Variants in CHST12 observed in about 807,000 individuals in gnomAD.
The protein encoded by CHST12 is carbohydrate sulfotransferase 12, also known as carbohydrate (chondroitin 4) sulfotransferase 12.
Under a neutral mutation model 27.9 loss-of-function variants are expected in CHST12, and 23 were observed. The ratio of observed to expected loss-of-function variants is 0.82; its 90% CI spans 0.59 to 1.17. CHST12 has a LOEUF of 1.17. CHST12 is among the 50% of genes most tolerant of loss of function. The pLI is 0.00. For synonymous variants in CHST12, 322 were observed against 273.0 expected, an observed-to-expected ratio of 1.18 and a Z score of -1.77; for missense variants, 682 against 603.0, an observed-to-expected ratio of 1.13 and a Z score of -1.37.
chr7:2,427,600 A>G (rs1782160212), intron 1 of CHST12, among the ~76,000 whole-genome samples: 1 of 152,096 alleles, frequency 6.6e-6, no homozygotes, highest in African/African-American at 2.4e-5. Context: ...GATGATAGAA[A>G]AATGGTACAG....
intron 1 of CHST12, among the ~76,000 whole-genome samples, chr7:2,427,970 C>G (rs951068021): frequency 6.6e-5 from 10 of 151,922 alleles, no homozygotes; most frequent in Non-Finnish European, 1.3e-4. Context: ...GCACCCGTCA[C>G]CATGGCCAGC....
At chr7:2,411,695 C>T (rs1253688960) in intron 1 of CHST12, among the ~76,000 whole-genome samples, 2 of 152,032 alleles carry the variant, frequency 1.3e-5, no homozygotes, top group Non-Finnish European at 2.9e-5. Context: ...GCCATGTTGG[C>T]CAGGCTGGTC....
At chr7:2,413,952 CTT>C (rs1781736865) in intron 1 of CHST12, among the ~76,000 whole-genome samples, 1 of 152,014 alleles carries the variant, frequency 6.6e-6, no homozygotes, top group Non-Finnish European at 1.5e-5. Flanking sequence ...TGGTCTTGAA[CTT>C]CTGACCTCAG....
intron 1 of CHST12, among the ~76,000 whole-genome samples, chr7:2,418,460 G>A (rs542718577): frequency 1.4e-4 from 22 of 152,332 alleles, no homozygotes; most frequent in African/African-American, 4.6e-4. Context: ...TGCCGCAGGC[G>A]GGTTATACGT....
At chr7:2,419,050 G>C (rs1781889890) in intron 1 of CHST12, among the ~76,000 whole-genome samples, 1 of 152,138 alleles carries the variant, frequency 6.6e-6, no homozygotes, top group Admixed American at 6.5e-5. Context: ...CCCCTGCCTT[G>C]GCTTCCCAAA....
chr7:2,440,675 C>T lies in CHST12; in HGVS notation c.*6791C>T, dbSNP rs1782581036. ...GGTGGTGGTTTATACCTGTAGTCACCTTCTATCTTAGTTAGGAATTCACCT... is the reference window on the plus strand; with the variant it reads ...GGTGGTGGTTTATACCTGTAGTCACTTTCTATCTTAGTTAGGAATTCACCT... On this transcript the variant is annotated 3_prime_UTR_variant, in exon 2 of 2. Transcript: ENST00000618655. 6.6e-6 allele frequency: 1 copy of T among 152,160 alleles called. No individual in the cohort carries two copies. The highest frequency in any genetic ancestry group is 2.4e-5 in the African/African-American group (1 of 41,426). 9.4% of individuals were successfully genotyped at this position (152,160 alleles called of 1,614,324 possible).
At chr7:2,413,955 C>T (rs1029730757) in intron 1 of CHST12, among the ~76,000 whole-genome samples, 1 of 152,144 alleles carries the variant, frequency 6.6e-6, no homozygotes, top group Admixed American at 6.5e-5. Flanking sequence ...TCTTGAACTT[C>T]TGACCTCAGG....
Position 2,437,330 on chromosome 7 carries a change from G to A in CHST12, c.*3446G>A, listed in dbSNP as rs1782496700. Reference sequence around the variant, plus strand: ...TACAGTTGGGCAATGCTTGGGCTGGGCGGCCTGGCTGCTCCTGGACTCGCC... The same window carrying A: ...TACAGTTGGGCAATGCTTGGGCTGGACGGCCTGGCTGCTCCTGGACTCGCC... On this transcript the variant is annotated 3_prime_UTR_variant, in exon 2 of 2. Transcript: ENST00000618655. The A allele has an allele frequency of 6.6e-6, 1 of 152,294 alleles. No individual in the cohort carries two copies. Among genetic ancestry groups the A allele is most frequent in the South Asian group, 2.1e-4 (1 of 4,828 alleles). The allele number at this position is 152,294 out of a possible 1,614,324, so 9.4% of individuals were successfully genotyped here. A position where few individuals can be genotyped will look rare whatever the true frequency, so the allele number is the denominator to read the frequency against.
chr7:2,425,422 A>G (rs1782089732), intron 1 of CHST12, among the ~76,000 whole-genome samples: 1 of 151,962 alleles, frequency 6.6e-6, no homozygotes, highest in African/African-American at 2.4e-5. Flanking sequence ...TTTCATATTC[A>G]CCTTTTACCC....
At position 2,447,317 on chromosome 7, in the gene CHST12, G is replaced by C. The variant is rs895780174; in HGVS notation, c.*13433G>C. ...TCTTACATCAGCAAACCTTCTGTTC[G>C]GTGACCCCCTCAGTGACCCTCTGTG... On this transcript the variant is annotated 3_prime_UTR_variant, in exon 2 of 2. Coordinates refer to ENST00000618655, the MANE Select transcript of CHST12 (RefSeq NM_018641.5). 1 of 152,200 alleles carries C rather than the reference G, an allele frequency of 6.6e-6. No individual in the cohort carries two copies. The highest frequency in any genetic ancestry group is 1.9e-4 in the East Asian group (1 of 5,184). 9.4% of individuals were successfully genotyped at this position (152,200 alleles called of 1,614,324 possible). A position where few individuals can be genotyped will look rare whatever the true frequency, so the allele number is the denominator to read the frequency against.
chr7:2,428,239 G>C (rs1239880286), intron 1 of CHST12, among the ~76,000 whole-genome samples: 2 of 149,188 alleles, frequency 1.3e-5, no homozygotes, highest in Admixed American at 1.3e-4. Flanking sequence ...CTATCACCCA[G>C]GCTGGAGTGC....
chr7:2,429,699 C>T (rs905013357), intron 1 of CHST12, among the ~76,000 whole-genome samples: 2 of 152,182 alleles, frequency 1.3e-5, no homozygotes, highest in African/African-American at 2.4e-5. Context: ...TCAATGGCTG[C>T]AGGATCTATA....
At position 2,425,403 on chromosome 7, in the gene CHST12, A is replaced by G. The variant is rs1782089200; in HGVS notation, c.-77-7160A>G. On this transcript the variant is annotated intron_variant, in intron 1 of 1. Coordinates refer to ENST00000618655, the MANE Select transcript of CHST12 (RefSeq NM_018641.5). ...CCAGACCAGGTCATAGCCACTGAAA[A>G]TGGATATATTTCATATTCACCTTTT... Among the ~76,000 whole-genome samples, 3 of 152,046 alleles carry G rather than the reference A, an allele frequency of 2.0e-5. No homozygotes were observed. The South Asian group carries it at 6.2e-4, about 32-fold the overall frequency.
At chr7:2,404,773 A>G (rs1326440725) in intron 1 of CHST12, among the ~76,000 whole-genome samples, 1 of 152,250 alleles carries the variant, frequency 6.6e-6, no homozygotes, top group African/African-American at 2.4e-5. Flanking sequence ...TTTCCCTGCA[A>G]AGGAGTTTAT....
At position 2,432,969 on chromosome 7, in the gene CHST12, C is replaced by T. The variant is rs771193781; in HGVS notation, c.330C>T (p.Asp110=). Residue 110 remains aspartate, a synonymous_variant, in exon 2 of 2, where the codon GAC becomes GAT. Transcript: ENST00000618655. The part of the protein sequence containing the change: ...SVRGYDWSPR[D]ARRSPDQGRQ... ...GAGGCTACGACTGGTCCCCGCGCGA[C>T]GCCCGGCGCAGCCCAGACCAGGGCC... 2 of 1,609,056 alleles carry T rather than the reference C, an allele frequency of 1.2e-6. No homozygotes were observed. The highest frequency in any genetic ancestry group is 1.7e-6 in the Non-Finnish European group (2 of 1,177,602).
Position 2,435,927 on chromosome 7 carries a change from A to T in CHST12, c.*2043A>T, listed in dbSNP as rs1782462975. 2 of 152,194 alleles carry T rather than the reference A, an allele frequency of 1.3e-5. No homozygotes were observed. Among genetic ancestry groups the T allele is most frequent in the African/African-American group, 4.8e-5 (2 of 41,370 alleles). The allele number at this position is 152,194 out of a possible 1,614,324, so 9.4% of individuals were successfully genotyped here. A position where few individuals can be genotyped will look rare whatever the true frequency, so the allele number is the denominator to read the frequency against. On this transcript the variant is annotated 3_prime_UTR_variant, in exon 2 of 2. Transcript: ENST00000618655. ...CCTCCTGGGCTCAAGTGATCTTCCC[A>T]TCTCAGACTCCCAAGTAGCTGGGGT... is the stretch of plus-strand genomic sequence containing the variant.
Position 2,442,216 on chromosome 7 carries a change from C to T in CHST12, c.*8332C>T, listed in dbSNP as rs539450092. 1.3e-5 allele frequency: 2 copies of T among 152,318 alleles called. No individual in the cohort carries two copies. The highest frequency in any genetic ancestry group is 6.5e-5 in the Admixed American group (1 of 15,284). 9.4% of individuals were successfully genotyped at this position (152,318 alleles called of 1,614,324 possible). A position where few individuals can be genotyped will look rare whatever the true frequency, so the allele number is the denominator to read the frequency against. On this transcript the variant is annotated 3_prime_UTR_variant, in exon 2 of 2. Transcript: ENST00000618655. ...TCATTCATGTTGTAGTCAGGATCAC[C>T]TTCCTTTTAAAGGTTGAACGATATC...
chr7:2,418,629 G>A (rs567473420), intron 1 of CHST12, among the ~76,000 whole-genome samples: 29 of 152,348 alleles, frequency 1.9e-4, no homozygotes, highest in Non-Finnish European at 2.2e-4. Flanking sequence ...TTGGAAGCAG[G>A]TGGGATCATG....
In CHST12 at chr7:2,433,717, C is replaced by T. The variant is rs770683070; in HGVS notation, c.1078C>T (p.Arg360Trp). ...GCTGCTGCAGCTACTCCAGGTGGAC[C>T]GGCAGCTCCGCTTCCCCCCGAGCTA... ...AQLLQLLQVD[R>W]QLRFPPSYRN... Residue 360 changes from arginine (R) to tryptophan (W), a missense_variant, in exon 2 of 2, where the codon CGG (arginine) becomes TGG (tryptophan). Arg to Trp is a moderately radical substitution (Grantham distance 101). Transcript: ENST00000618655. The surrounding 1 kb of genome is among the most constrained non-coding windows in gnomAD (Gnocchi z 6.1). The T allele has an allele frequency of 6.8e-6, 11 of 1,613,394 alleles. No homozygotes were observed. Among genetic ancestry groups the T allele is most frequent in the Admixed American group, 3.3e-5 (2 of 59,988 alleles).
Sources: gnomAD v4.1 joint callset for allele counts (sites outside exome capture counted in the v4.1 genomes callset) on GRCh38, gnomAD v4.1.1 for gene constraint, Gnocchi (gnomAD v3.1) non-coding constraint, MANE v1.5 for transcripts, NCBI Gene and HGNC (gene_info 2026-07-23, HGNC 2026-07-21) for gene names.